The following UBOX5 variants were observed in gnomAD, a reference collection of about 807,000 sequenced individuals.
UBOX5 encodes the protein RING finger protein 37.
In UBOX5, 28 loss-of-function variants were observed where a neutral mutation model predicts 39.0. The ratio of observed to expected loss-of-function variants is 0.72; its 90% CI spans 0.53 to 0.98. UBOX5 has a LOEUF of 0.98. Ranked by LOEUF, UBOX5 falls within the 50% of genes least tolerant of loss-of-function variation. The probability of loss-of-function intolerance (pLI) is 0.00; values close to 1 mark genes in which losing one functional copy is unlikely to be tolerated. For missense variants in UBOX5, 585 were observed against 674.4 expected (o/e 0.87, Z 1.47); for synonymous variants, 283 against 275.5 (o/e 1.03, Z -0.27).
chr20:3,144,653 T>C (rs1300349328), intron 1 of UBOX5, among the ~76,000 whole-genome samples: 1 of 152,166 alleles, frequency 6.6e-6, no homozygotes, highest in Non-Finnish European at 1.5e-5. Context: ...AAACAGAAAG[T>C]GAAGACAACT....
At chr20:3,118,945 AAAGG>A (rs1013394422) in intron 3 of UBOX5, among the ~76,000 whole-genome samples, 5 of 152,212 alleles carry the variant, frequency 3.3e-5, no homozygotes, top group African/African-American at 7.2e-5. Flanking sequence ...TCTCAAAAAA[AAAGG>A]AAGGAAGGAA....
intron 1 of UBOX5, chr20:3,147,503 A>AT: frequency 6.2e-7 from 1 of 1,614,230 alleles, no homozygotes; most frequent in Non-Finnish European, 8.5e-7. Flanking sequence ...TGGACACTCA[A>AT]TGCCAACTGT....
rs748740074 is a variant in UBOX5 at position 3,121,686 on chromosome 20, G to C, written c.953C>G (p.Pro318Arg). ...GGCCTTGAGGGAGGGGTGAGGCAGG[G>C]GCTGAGAGTGCGGAGTAAAAGCTAC... The part of the protein sequence containing the change: ...TGVAFTPHSQ[P>R]LPHPSLKARI... Residue 318 changes from proline (P) to arginine (R), a missense_variant, in exon 3 of 5, where the codon CCC (proline) becomes CGC (arginine). Coordinates refer to ENST00000217173, the MANE Select transcript of UBOX5 (RefSeq NM_014948.4). 3.1e-6 allele frequency: 5 copies of C among 1,613,808 alleles called. No individual in the cohort carries two copies.
At chr20:3,136,687 G>T (rs2066475357) in intron 1 of UBOX5, among the ~76,000 whole-genome samples, 1 of 145,116 alleles carries the variant, frequency 6.9e-6, no homozygotes, top group African/African-American at 2.6e-5. Flanking sequence ...ATGGAGTCTT[G>T]TTCTGTTGCC....
At position 3,121,884 on chromosome 20, in the gene UBOX5, A is replaced by G; in HGVS notation, c.755T>C (p.Leu252Pro). 6.2e-7 allele frequency: 1 copy of G among 1,613,972 alleles called. No individual in the cohort carries two copies. Among genetic ancestry groups the G allele is most frequent in the Non-Finnish European group, 8.5e-7 (1 of 1,180,014 alleles). The change falls in exon 3 of 5, where the codon CTG becomes CCG. Residue 252 changes from leucine (L) to proline (P), a missense_variant. Physicochemically the swap from Leu to Pro is moderately conservative, Grantham distance 98. Coordinates refer to ENST00000217173, the MANE Select transcript of UBOX5 (RefSeq NM_014948.4). ...AGGCACATCCTGAATGATCTCGGCC[A>G]GCTTCTGCAGGCTGGAGGGAGCCTG... Reference protein sequence around the residue: ...SQQAPSSLQKLAEIIQDVPEE... With the variant: ...SQQAPSSLQKPAEIIQDVPEE...
At chr20:3,140,895 T>C (rs889570552) in intron 1 of UBOX5, among the ~76,000 whole-genome samples, 1 of 116,086 alleles carries the variant, frequency 8.6e-6, no homozygotes, top group African/African-American at 4.3e-5. Context: ...TCCCATCTAT[T>C]TTTTTTTTTA....
At chr20:3,133,703 A>G (rs575870606) in intron 1 of UBOX5, among the ~76,000 whole-genome samples, 1 of 147,018 alleles carries the variant, frequency 6.8e-6, no homozygotes, top group Non-Finnish European at 1.5e-5. Context: ...CACCTATCCT[A>G]TTTCCTCTCT....
chr20:3,155,980 C>T (rs6051607), intron 1 of UBOX5, among the ~76,000 whole-genome samples: 2,103 of 152,136 alleles, frequency 0.014, 47 homozygotes, highest in African/African-American at 0.048. Context: ...GAAAGAAAAA[C>T]AAGGAAGATA....
intron 4 of UBOX5, chr20:3,110,851 A>AG (rs2066248415): frequency 6.0e-6 from 1 of 167,518 alleles, no homozygotes; most frequent in African/African-American, 2.4e-5. Flanking sequence ...GAAAAAAAAA[A>AG]AAAAAGGAAA....
chr20:3,147,247 C>T (rs148683052), intron 1 of UBOX5: 19 of 1,614,056 alleles, frequency 1.2e-5, no homozygotes, highest in Non-Finnish European at 1.5e-5. Flanking sequence ...TTTCAGCCGG[C>T]GTGGCTTCTC....
At chr20:3,143,928 A>G (rs1825362226) in intron 1 of UBOX5, among the ~76,000 whole-genome samples, 1 of 152,248 alleles carries the variant, frequency 6.6e-6, no homozygotes, top group Non-Finnish European at 1.5e-5. Context: ...ATTGCACTCC[A>G]GCCTGGGTGA....
chr20:3,133,005 A>G (rs1028990947), intron 1 of UBOX5, among the ~76,000 whole-genome samples: 2 of 151,988 alleles, frequency 1.3e-5, no homozygotes, highest in African/African-American at 4.8e-5. Flanking sequence ...TGATTGGGGG[A>G]AAAAGTGATT....
chr20:3,119,941 A>G (rs1348543374), intron 3 of UBOX5, among the ~76,000 whole-genome samples: 1 of 152,152 alleles, frequency 6.6e-6, no homozygotes, highest in Non-Finnish European at 1.5e-5. Context: ...TCAGCTGCAG[A>G]GGTCACCCAG....
In UBOX5 at chr20:3,149,632, T is replaced by C. The variant is rs1037111368; in HGVS notation, c.-42+10134A>G. On this transcript the variant is annotated intron_variant, in intron 1 of 4. Transcript: ENST00000217173. The surrounding 1 kb of genome is among the most constrained non-coding windows in gnomAD (Gnocchi z 4.1). ...AAAGTGAGCAACTCCTTCCATCTCT[T>C]TGATATCAAGGCAAACAGGTCCTAC... Among the ~76,000 whole-genome samples, 7 of 152,204 alleles carry C rather than the reference T, an allele frequency of 4.6e-5. No homozygotes were observed. The highest frequency in any genetic ancestry group is 7.2e-5 in the African/African-American group (3 of 41,444).
intron 3 of UBOX5, among the ~76,000 whole-genome samples, chr20:3,118,882 T>C (rs1348840996): frequency 6.6e-6 from 1 of 150,660 alleles, no homozygotes; most frequent in Admixed American, 6.6e-5. Flanking sequence ...GAGATTGAAG[T>C]GAGCCGAGAT....
At chr20:3,147,771 G>C in intron 1 of UBOX5, 7 of 1,614,174 alleles carry the variant, frequency 4.3e-6, no homozygotes, top group Non-Finnish European at 5.9e-6. Flanking sequence ...AATGACCACA[G>C]AATCTTGGCA....
At chr20:3,154,340 C>T (rs907401700) in intron 1 of UBOX5, among the ~76,000 whole-genome samples, 3 of 152,086 alleles carry the variant, frequency 2.0e-5, no homozygotes, top group Non-Finnish European at 4.4e-5. Context: ...AAAACAGTAA[C>T]AAAAATTATT....
rs568893102 is a variant in UBOX5 at position 3,135,019 on chromosome 20, C to A, written c.-41-11613G>T. On this transcript the variant is annotated intron_variant, in intron 1 of 4. Coordinates refer to ENST00000217173, the MANE Select transcript of UBOX5 (RefSeq NM_014948.4). ...GAAAAGAAATAATTAGAAGAGAATA[C>A]AAAATATGAAGGTGCAAATAGTATG... is the stretch of plus-strand genomic sequence containing the variant. Among the ~76,000 whole-genome samples, 6 of 152,108 alleles carry A rather than the reference C, an allele frequency of 3.9e-5. No individual in the cohort carries two copies. The South Asian group carries it at 1.2e-3, about 32-fold the overall frequency.
At chr20:3,113,274 C>A (rs142632455) in intron 4 of UBOX5, among the ~76,000 whole-genome samples, 5 of 133,912 alleles carry the variant, frequency 3.7e-5, no homozygotes, top group African/African-American at 8.7e-5. Context: ...GGCAACAGAG[C>A]GAAACAGAGC....
Sources: allele counts gnomAD v4.1 joint callset (sites outside exome capture counted in the v4.1 genomes callset), GRCh38; gene constraint gnomAD v4.1.1; non-coding constraint Gnocchi (gnomAD v3.1); transcripts MANE v1.5; gene names NCBI Gene and HGNC (gene_info 2026-07-23, HGNC 2026-07-21).